POR: variants seen among roughly 807,000 people sequenced by gnomAD.
POR encodes the protein NADPH--cytochrome P450 reductase.
Under a neutral mutation model 84.0 loss-of-function variants are expected in POR, and 56 were observed. The ratio of observed to expected loss-of-function variants is 0.67; its 90% confidence interval spans 0.54 to 0.83. The LOEUF (loss-of-function observed/expected upper bound fraction) is 0.83. POR is among the 40% of genes least tolerant of loss of function. The pLI is 0.00. For synonymous variants in POR, 414 were observed against 400.5 expected, an observed-to-expected ratio of 1.03 and a Z score of -0.40; for missense variants, 938 against 944.3, an observed-to-expected ratio of 0.99 and a Z score of 0.09.
intron 2 of POR, among the ~76,000 whole-genome samples, chr7:75,955,601 C>T (rs1289566107): frequency 6.6e-6 from 1 of 152,190 alleles, no homozygotes; most frequent in Admixed American, 6.5e-5. Context: ...TCAGGGACTC[C>T]CTGGATTTGG....
intron 2 of POR, chr7:75,968,220 C>T: frequency 4.3e-6 from 2 of 466,402 alleles, no homozygotes; most frequent in South Asian, 3.1e-5. Context: ...GGGAGACTTC[C>T]TCCTGGCGGG....
chr7:75,942,156 G>A (rs1475371157), intron 1 of POR, among the ~76,000 whole-genome samples: 1 of 152,188 alleles, frequency 6.6e-6, no homozygotes, highest in Non-Finnish European at 1.5e-5. Flanking sequence ...GAGCCCAGAA[G>A]GCTGAGGCTG....
chr7:75,960,907 T>A (rs536120296), intron 2 of POR, among the ~76,000 whole-genome samples: 8 of 152,152 alleles, frequency 5.3e-5, no homozygotes, highest in East Asian at 1.9e-4. Flanking sequence ...AGTATTTTTT[T>A]AAAAAATATT....
intron 2 of POR, among the ~76,000 whole-genome samples, chr7:75,954,685 G>A (rs1554553501): frequency 1.3e-5 from 2 of 151,282 alleles, no homozygotes; most frequent in South Asian, 2.1e-4. Flanking sequence ...GACTAAAGGT[G>A]TGCACCACTA....
chr7:75,948,669 C>T (rs577479817), intron 1 of POR, among the ~76,000 whole-genome samples: 9 of 152,144 alleles, frequency 5.9e-5, no homozygotes, highest in East Asian at 1.9e-4. Flanking sequence ...TCCAGGTACC[C>T]GAAAATCGGA....
rs149214622 is a variant in POR at position 75,935,495 on chromosome 7, G to C, written c.-4-18494G>C. On this transcript the variant is annotated intron_variant, in intron 1 of 15. Transcript: ENST00000461988. ...TCCTGACCTCAGGTGATCTGCCCCC[G>C]TCGGCCTCCCAAAGTGCTGGGATTA... Among the ~76,000 whole-genome samples, 1,004 of 151,932 alleles carry C rather than the reference G, an allele frequency of 6.6e-3. 8 individuals are homozygous for C. Among genetic ancestry groups the C allele is most frequent in the African/African-American group, 0.02 (839 of 41,474 alleles).
intron 5 of POR, 34 bp from the exon 6 acceptor site, chr7:75,981,014 G>A: frequency 6.5e-7 from 1 of 1,537,442 alleles, no homozygotes. Flanking sequence ...CAGGTCGAGG[G>A]CCAGGCCTCA....
intron 1 of POR, among the ~76,000 whole-genome samples, chr7:75,924,075 A>T (rs1420119298): frequency 3.3e-5 from 5 of 152,128 alleles, no homozygotes; most frequent in Admixed American, 3.3e-4. Context: ...AATGTTGGTG[A>T]ATGAGTAACT....
At chr7:75,937,154 C>A (rs1220971447) in intron 1 of POR, among the ~76,000 whole-genome samples, 16 of 150,370 alleles carry the variant, frequency 1.1e-4, no homozygotes, top group Non-Finnish European at 3.0e-5. Flanking sequence ...TATTTTTATT[C>A]AAAATTAATT....
chr7:75,985,357 T>A, intron 12 of POR, 150 bp downstream of exon 12: 1 of 1,196,772 alleles, frequency 8.4e-7, no homozygotes, highest in Non-Finnish European at 1.1e-6. Flanking sequence ...CCCCAGGCTG[T>A]GGACTCAGTC....
chr7:75,966,886 C>G, intron 2 of POR, among the ~76,000 whole-genome samples: 1 of 152,322 alleles, frequency 6.6e-6, no homozygotes, highest in South Asian at 2.1e-4. Flanking sequence ...ACCTTTCATG[C>G]TCCGTTCTGG....
chr7:75,982,242 T>C lies in POR; in HGVS notation c.750T>C (p.Leu250=). The C allele has an allele frequency of 4.3e-6, 7 of 1,612,038 alleles. No individual in the cohort carries two copies. The highest frequency in any genetic ancestry group is 5.9e-6 in the Non-Finnish European group (7 of 1,179,224). Residue 250 remains leucine (L), a synonymous_variant, in exon 8 of 16, where the codon CTT becomes CTC. Coordinates refer to ENST00000461988, the MANE Select transcript of POR (RefSeq NM_000941.3). ...TTTCCAGCATTCGCCAGTACGAGCT[T>C]GTGGTCCACACCGACATAGATGCGG...
intron 2 of POR, among the ~76,000 whole-genome samples, chr7:75,970,312 C>T (rs1788373052): frequency 6.6e-6 from 1 of 151,952 alleles, no homozygotes; most frequent in Non-Finnish European, 1.5e-5. Flanking sequence ...GGTTGATTTA[C>T]AGGGTCTCCC....
chr7:75,933,968 GT>G (rs782331445), intron 1 of POR, among the ~76,000 whole-genome samples: 50 of 141,326 alleles, frequency 3.5e-4, no homozygotes, highest in East Asian at 1.4e-3. Context: ...GGCAAGGACA[GT>G]TTTTTTTTTT....
intron 1 of POR, among the ~76,000 whole-genome samples, chr7:75,918,425 C>T (rs1262992018): frequency 1.3e-5 from 2 of 152,192 alleles, no homozygotes; most frequent in African/African-American, 2.4e-5. Context: ...AGGTCACTTA[C>T]CTGCTTGCAT....
At chr7:75,952,729 CCAGG>C (rs1462512221) in intron 1 of POR, among the ~76,000 whole-genome samples, 1 of 151,662 alleles carries the variant, frequency 6.6e-6, no homozygotes, top group East Asian at 1.9e-4. Context: ...CGATGGGCGG[CCAGG>C]CAGAGACGCT....
At chr7:75,953,088 T>G (rs1787520883) in intron 1 of POR, among the ~76,000 whole-genome samples, 1 of 152,130 alleles carries the variant, frequency 6.6e-6, no homozygotes, top group African/African-American at 2.4e-5. Context: ...AGGCCGAGGC[T>G]GGAGGATCAC....
Position 75,923,287 on chromosome 7 carries a change from C to T in POR, c.-5+8108C>T. ...GACCTCATTCATGAAATTGCCTTCCCAAGGAAGCATTTCCAGGAGATCTCA... is the reference window on the plus strand; with the variant it reads ...GACCTCATTCATGAAATTGCCTTCCTAAGGAAGCATTTCCAGGAGATCTCA... On this transcript the variant is annotated intron_variant, in intron 1 of 15. Coordinates refer to ENST00000461988, the MANE Select transcript of POR (RefSeq NM_000941.3). The T allele has an allele frequency of 2.5e-6, 3 of 1,223,562 alleles. 1 individual carries two copies. The South Asian group carries it at 3.6e-5, about 15-fold the overall frequency. 75.8% of individuals were successfully genotyped at this position (1,223,562 alleles called of 1,614,324 possible).
At position 75,966,129 on chromosome 7, in the gene POR, T is replaced by C. The variant is rs550588475; in HGVS notation, c.189-6284T>C. Among the ~76,000 whole-genome samples the C allele has an allele frequency of 2.2e-4, 33 of 152,204 alleles. No homozygotes were observed. The South Asian group carries it at 3.5e-3, about 16-fold the overall frequency. On this transcript the variant is annotated intron_variant, in intron 2 of 15. Transcript: ENST00000461988. ...GTGGTGAGGATTAAACAAAATAAAA[T>C]AGAAAGCTTCTTGAATGCTAGCCAG...
Sources: allele counts gnomAD v4.1 joint callset (sites outside exome capture counted in the v4.1 genomes callset), GRCh38; gene constraint gnomAD v4.1.1; transcripts MANE v1.5; gene names NCBI Gene and HGNC (gene_info 2026-07-23, HGNC 2026-07-21).